The following ARHGAP6 variants were observed in gnomAD, a reference collection of about 807,000 sequenced individuals.
The protein encoded by ARHGAP6 is rho GTPase-activating protein 6.
ARHGAP6 carries 16 observed loss-of-function variants against 55.7 expected under a neutral mutation model. That is an observed-to-expected ratio of 0.29 (90% confidence interval 0.19 to 0.44). The LOEUF (loss-of-function observed/expected upper bound fraction) is 0.44, where lower values mean the gene tolerates loss of function less well. Ranked by LOEUF, ARHGAP6 falls within the 20% of genes least tolerant of loss-of-function variation. The pLI, the probability that ARHGAP6 is intolerant of heterozygous loss-of-function variation, is 1.00. For synonymous variants in ARHGAP6, 382 were observed against 360.9 expected (o/e 1.06, Z -0.66); for missense variants, 698 against 808.9 (o/e 0.86, Z 1.66).
intron 1 of ARHGAP6, among the ~76,000 whole-genome samples, chrX:11,451,145 T>C (rs2050140180): frequency 8.9e-6 from 1 of 111,808 alleles, no homozygotes; most frequent in African/African-American, 3.3e-5. Flanking sequence ...GTTATCACAA[T>C]AGCTGCCCCT....
intron 10 of ARHGAP6, among the ~76,000 whole-genome samples, chrX:11,153,524 C>G (rs866523493): frequency 5.0e-5 from 1 of 20,117 alleles, no homozygotes; most frequent in Non-Finnish European, 8.6e-5. Flanking sequence ...GACTCGATCT[C>G]AAAAAAAAAA....
chrX:11,484,635 TAAAAC>T (rs996320380), intron 1 of ARHGAP6, among the ~76,000 whole-genome samples: 5 of 110,435 alleles, frequency 4.5e-5, no homozygotes, highest in Admixed American at 9.6e-5. Context: ...AGAAAATAAA[TAAAAC>T]AAATTGGATA....
At position 11,543,383 on chromosome X, in the gene ARHGAP6, C is replaced by T. The variant is rs1047316238; in HGVS notation, c.588+120858G>A. Among the ~76,000 whole-genome samples, 3 of 112,629 alleles carry T rather than the reference C, an allele frequency of 2.7e-5. 1 individual carries two copies. Among genetic ancestry groups the T allele is most frequent in the Non-Finnish European group, 1.9e-5 (1 of 53,310 alleles). ...GCAATTTTGCCCAACAGGGGACATTCGGCAATGTCATGGGACATTTTTAGT... is the reference window on the plus strand; with the variant it reads ...GCAATTTTGCCCAACAGGGGACATTTGGCAATGTCATGGGACATTTTTAGT... On this transcript the variant is annotated intron_variant, in intron 1 of 12. Transcript: ENST00000337414.
intron 1 of ARHGAP6, among the ~76,000 whole-genome samples, chrX:11,398,762 A>T (rs2049511758): frequency 8.9e-6 from 1 of 111,878 alleles, no homozygotes; most frequent in Non-Finnish European, 1.9e-5. Flanking sequence ...GATGTCATTT[A>T]GGAATTCTAA....
intron 5 of ARHGAP6, 41 bp downstream of exon 5, chrX:11,186,195 A>C: frequency 8.9e-7 from 1 of 1,127,428 alleles, no homozygotes; most frequent in Non-Finnish European, 1.2e-6. Context: ...TGCTTGAATA[A>C]ATGAAAGTCC....
intron 1 of ARHGAP6, among the ~76,000 whole-genome samples, chrX:11,656,225 A>G (rs978616755): frequency 8.9e-6 from 1 of 111,916 alleles, no homozygotes; most frequent in African/African-American, 3.2e-5. Context: ...GATTTCTCTA[A>G]ATTCTTGAAG....
At chrX:11,656,153 G>A (rs1035703795) in intron 1 of ARHGAP6, among the ~76,000 whole-genome samples, 2 of 112,403 alleles carry the variant, frequency 1.8e-5, no homozygotes, top group East Asian at 5.6e-4. Flanking sequence ...ATATCATTAA[G>A]CCCAAAGTCC....
chrX:11,530,424 A>G (rs1318193488), intron 1 of ARHGAP6, among the ~76,000 whole-genome samples: 1 of 112,585 alleles, frequency 8.9e-6, no homozygotes, highest in Non-Finnish European at 1.9e-5. Flanking sequence ...TCAACTTGCT[A>G]TCTTCATCTA....
At chrX:11,188,602 G>A (rs2046415539) in intron 4 of ARHGAP6, 126 bp downstream of exon 4, 1 of 975,102 alleles carries the variant, frequency 1.0e-6, no homozygotes, top group Non-Finnish European at 1.4e-6. Context: ...TTCATTAATG[G>A]CATTGTTGAC....
chrX:11,226,801 G>A (rs1417645778), intron 2 of ARHGAP6, among the ~76,000 whole-genome samples: 1 of 111,796 alleles, frequency 8.9e-6, no homozygotes, highest in Non-Finnish European at 1.9e-5. Flanking sequence ...GAATGTAGGA[G>A]TGTTTTATGG....
intron 1 of ARHGAP6, among the ~76,000 whole-genome samples, chrX:11,612,184 C>T (rs1219004678): frequency 9.0e-6 from 1 of 111,606 alleles, no homozygotes; most frequent in East Asian, 2.8e-4. Context: ...TTCCACGTGT[C>T]TGTTTGCCTG....
Position 11,664,612 on chromosome X carries a change from C to T in ARHGAP6, c.217G>A (p.Glu73Lys), listed in dbSNP as rs955817714. 7 of 1,171,228 alleles carry T rather than the reference C, an allele frequency of 6.0e-6. No homozygotes were observed. Among genetic ancestry groups the T allele is most frequent in the Admixed American group, 2.6e-5 (1 of 39,196 alleles). The change falls in exon 1 of 13, where the codon GAG becomes AAG. Residue 73 changes from glutamate (E) to lysine (K), a missense_variant. Physicochemically the swap from Glu to Lys is moderately conservative, Grantham distance 56. Coordinates refer to ENST00000337414, the MANE Select transcript of ARHGAP6 (RefSeq NM_013427.3). The part of the protein sequence containing the change: ...GRLYSPSLPA[E>K]SLGPRLASSS... ...GACGCCAAGCGAGGGCCGAGACTCT[C>T]GGCTGGGAGTGATGGGGAGTAGAGG...
In ARHGAP6 at chrX:11,353,549, A is replaced by AGTGTGT. The variant is rs200177159; in HGVS notation, c.589-98848_589-98843dup. Among the ~76,000 whole-genome samples the AGTGTGT allele has an allele frequency of 2.6e-3, 215 of 82,466 alleles. 3 individuals are homozygous for AGTGTGT. Among genetic ancestry groups the AGTGTGT allele is most frequent in the South Asian group, 0.01 (15 of 1,487 alleles). The allele number at this position is 82,466 out of a possible 115,157, so 71.6% of individuals were successfully genotyped here. On this transcript the variant is annotated intron_variant, in intron 1 of 12. Transcript: ENST00000337414. ...TGTCTCAGGCAACAGTATTGCTTAT[A>AGTGTGT]GTGTGTGTGTGTGTGTGTGTGTGTG...
chrX:11,313,620 T>C (rs991950429), intron 1 of ARHGAP6, among the ~76,000 whole-genome samples: 1 of 112,468 alleles, frequency 8.9e-6, no homozygotes, highest in African/African-American at 3.2e-5. Context: ...CTGTTGATTT[T>C]CTTCTTAGCA....
At chrX:11,598,990 TAAG>T (rs1201426417) in intron 1 of ARHGAP6, among the ~76,000 whole-genome samples, 1 of 110,894 alleles carries the variant, frequency 9.0e-6, no homozygotes, top group Non-Finnish European at 1.9e-5. Context: ...CCTGGGGGGT[TAAG>T]GTTACAGTAA....
intron 2 of ARHGAP6, among the ~76,000 whole-genome samples, chrX:11,206,610 T>C (rs761387342): frequency 7.2e-4 from 80 of 111,763 alleles, no homozygotes; most frequent in African/African-American, 2.5e-3. Flanking sequence ...ATATTGATTA[T>C]ATTACTTTAG....
intron 1 of ARHGAP6, chrX:11,294,838 T>C (rs755158864): frequency 8.3e-7 from 1 of 1,209,813 alleles, no homozygotes; most frequent in Non-Finnish European, 1.1e-6. Flanking sequence ...GCTTTTGCCA[T>C]GCCTGTGAGT....
intron 1 of ARHGAP6, among the ~76,000 whole-genome samples, chrX:11,273,655 AT>A (rs5901448): frequency 1.9e-5 from 2 of 105,672 alleles, no homozygotes; most frequent in East Asian, 3.0e-4. Context: ...CTATGGGTAG[AT>A]TTTTTTTTTA....
At chrX:11,389,099 C>T (rs762308573) in intron 1 of ARHGAP6, among the ~76,000 whole-genome samples, 1 of 111,615 alleles carries the variant, frequency 9.0e-6, no homozygotes, top group Non-Finnish European at 1.9e-5. Flanking sequence ...TGATTGGCAG[C>T]TTGTTATTGG....
Sources: gnomAD v4.1 joint callset for allele counts (sites outside exome capture counted in the v4.1 genomes callset) on GRCh38, gnomAD v4.1.1 for gene constraint, MANE v1.5 for transcripts, NCBI Gene and HGNC (gene_info 2026-07-23, HGNC 2026-07-21) for gene names.